The following DNAJC13 variants were observed in gnomAD, a reference collection of about 807,000 sequenced individuals.
The protein encoded by DNAJC13 is DnaJ heat shock protein family (Hsp40) member C13, also known as dnaJ homolog subfamily C member 13.
A neutral mutation model predicts 290.5 loss-of-function variants in DNAJC13; 75 were observed. That is an observed-to-expected ratio of 0.26 (90% CI 0.21 to 0.31). The LOEUF (loss-of-function observed/expected upper bound fraction) is 0.31. DNAJC13 is among the 10% of genes least tolerant of loss of function. The pLI is 1.00. For missense variants in DNAJC13, 2,260 were observed against 2,674.5 expected, an observed-to-expected ratio of 0.85 and a Z score of 3.42; for synonymous variants, 862 against 892.0, an observed-to-expected ratio of 0.97 and a Z score of 0.60.
In DNAJC13 at chr3:132,492,584, T is replaced by G; in HGVS notation, c.3794T>G (p.Leu1265Arg). The change falls in exon 33 of 56, where the codon CTC (leucine) becomes CGC (arginine). Residue 1265 changes from leucine (L) to arginine (R), a missense_variant. Coordinates refer to ENST00000260818, the MANE Select transcript of DNAJC13 (RefSeq NM_015268.4). ...TACCTCAAACAACTGTGTGATACAC[T>G]CCGGTTTCCAGATTGGCCAATTAAA... ...IYYLKQLCDT[L>R]RFPDWPIKDP... 2 of 1,613,666 alleles carry G rather than the reference T, an allele frequency of 1.2e-6. No individual in the cohort carries two copies. The highest frequency in any genetic ancestry group is 1.1e-5 in the South Asian group (1 of 91,056).
At chr3:132,450,414 C>G (rs1933384094) in intron 5 of DNAJC13, among the ~76,000 whole-genome samples, 1 of 151,748 alleles carries the variant, frequency 6.6e-6, no homozygotes, top group Non-Finnish European at 1.5e-5. Context: ...ATATTGTAAC[C>G]CAAACCCTTT....
intron 4 of DNAJC13, 101 bp from the exon 5 acceptor site, chr3:132,447,797 G>T: frequency 3.3e-6 from 3 of 911,110 alleles, no homozygotes; most frequent in Non-Finnish European, 5.2e-6. Flanking sequence ...TAGTGTCCAG[G>T]TTACCAAGTC....
intron 50 of DNAJC13, among the ~76,000 whole-genome samples, 160 bp from the exon 51 acceptor site, chr3:132,523,380 C>G (rs546557793): frequency 4.6e-5 from 7 of 152,252 alleles, no homozygotes; most frequent in African/African-American, 1.7e-4. Flanking sequence ...AGTAAGGGCA[C>G]CCTTTCTGAA....
intron 15 of DNAJC13, among the ~76,000 whole-genome samples, chr3:132,461,453 T>A (rs1933792574): frequency 6.6e-6 from 1 of 152,192 alleles, no homozygotes; most frequent in Non-Finnish European, 1.5e-5. Context: ...AGATTTGTGT[T>A]GGGCTACACT....
chr3:132,488,294 T>C lies in DNAJC13; in HGVS notation c.3268-4T>C. On this transcript the variant is annotated splice_polypyrimidine_tract_variant and splice_region_variant and intron_variant, in intron 29 of 55. Coordinates refer to ENST00000260818, the MANE Select transcript of DNAJC13 (RefSeq NM_015268.4). ...CCAATAAAAACATTTTAATTTTTTT[T>C]CAGCTACTGCTGACCTTTGACCCTA... is the stretch of plus-strand genomic sequence containing the variant. 1 of 1,577,362 alleles carries C rather than the reference T, an allele frequency of 6.3e-7. No individual in the cohort carries two copies. The highest frequency in any genetic ancestry group is 8.6e-7 in the Non-Finnish European group (1 of 1,166,700).
intron 54 of DNAJC13, among the ~76,000 whole-genome samples, chr3:132,530,756 C>A (rs2107754015): frequency 6.6e-6 from 1 of 152,290 alleles, no homozygotes; most frequent in Non-Finnish European, 1.5e-5. Context: ...ATTGTAGGTT[C>A]AAATAATAGA....
intron 43 of DNAJC13, among the ~76,000 whole-genome samples, chr3:132,510,224 C>T (rs74441770): frequency 0.011 from 1,650 of 152,236 alleles, 21 homozygotes; most frequent in Middle Eastern, 0.044. Context: ...AAGGCTTCCT[C>T]TGGCCAATAT....
chr3:132,472,282 G>A (rs1369548052), intron 20 of DNAJC13, among the ~76,000 whole-genome samples: 1 of 152,206 alleles, frequency 6.6e-6, no homozygotes, highest in African/African-American at 2.4e-5. Context: ...TCTGGTCCAT[G>A]TACAGACTTT....
In DNAJC13 at chr3:132,453,511, C is replaced by A. The variant is rs1225804009; in HGVS notation, c.744+7C>A. 6.2e-7 allele frequency: 1 copy of A among 1,611,502 alleles called. No individual in the cohort carries two copies. The highest frequency in any genetic ancestry group is 2.2e-5 in the East Asian group (1 of 44,780). On this transcript the variant is annotated splice_region_variant and intron_variant, in intron 7 of 55. Coordinates refer to ENST00000260818, the MANE Select transcript of DNAJC13 (RefSeq NM_015268.4). Reference sequence around the variant, plus strand: ...AATATCACCTAGACATTCGGTAAGACCCATATGTTAAAAATGAAAATTTGT... The same window carrying A: ...AATATCACCTAGACATTCGGTAAGAACCATATGTTAAAAATGAAAATTTGT...
At chr3:132,430,965 G>A (rs1939224966) in intron 1 of DNAJC13, among the ~76,000 whole-genome samples, 1 of 152,150 alleles carries the variant, frequency 6.6e-6, no homozygotes, top group South Asian at 2.1e-4. Flanking sequence ...TTAGTTGACT[G>A]TAAGAAATTT....
chr3:132,492,715 T>G (rs1935101970), intron 33 of DNAJC13, 100 bp downstream of exon 33: 1 of 983,010 alleles, frequency 1.0e-6, no homozygotes, highest in Non-Finnish European at 1.5e-6. Flanking sequence ...TTAATAGCTT[T>G]CTTAAGTATT....
At chr3:132,453,996 C>A in intron 8 of DNAJC13, 70 bp from the exon 9 acceptor site, 1 of 1,116,610 alleles carries the variant, frequency 9.0e-7, no homozygotes, top group African/African-American at 1.6e-5. Context: ...CTAAGTGATG[C>A]ATTTTATAAT....
At chr3:132,466,123 C>T (rs1933971475) in intron 18 of DNAJC13, 53 bp downstream of exon 18, 1 of 1,491,546 alleles carries the variant, frequency 6.7e-7, no homozygotes, top group African/African-American at 1.4e-5. Context: ...TTTAATTGAA[C>T]AAGTTATCTG....
At chr3:132,482,416 T>C (rs1490780460) in intron 27 of DNAJC13, 86 bp downstream of exon 27, 7 of 1,021,852 alleles carry the variant, frequency 6.9e-6, no homozygotes, top group Non-Finnish European at 1.0e-5. Context: ...TGGAATGTTT[T>C]AAAGCTGTCA....
intron 5 of DNAJC13, among the ~76,000 whole-genome samples, chr3:132,448,472 C>A (rs1310946854): frequency 3.3e-5 from 5 of 152,052 alleles, no homozygotes; most frequent in Non-Finnish European, 5.9e-5. Context: ...CAGGCCTTTT[C>A]CAGTAATGTA....
chr3:132,440,583 C>T (rs142752644), intron 2 of DNAJC13, among the ~76,000 whole-genome samples: 18 of 152,310 alleles, frequency 1.2e-4, no homozygotes, highest in Non-Finnish European at 2.1e-4. Context: ...CAGCTGCTTA[C>T]AGTATTAGGT....
chr3:132,489,043 A>C, intron 31 of DNAJC13, 22 bp downstream of exon 31: 1 of 1,602,458 alleles, frequency 6.2e-7, no homozygotes, highest in South Asian at 1.1e-5. Context: ...TAATCCTCTG[A>C]ATACTTAACC....
intron 40 of DNAJC13, 46 bp downstream of exon 40, chr3:132,502,514 G>C (rs1305788310): frequency 1.3e-6 from 2 of 1,521,502 alleles, no homozygotes; most frequent in African/African-American, 2.8e-5. Flanking sequence ...CCAAACCTTA[G>C]GTTGGTGTTA....
At chr3:132,471,869 C>T (rs1163010587) in intron 20 of DNAJC13, among the ~76,000 whole-genome samples, 2 of 146,730 alleles carry the variant, frequency 1.4e-5, no homozygotes, top group African/African-American at 2.5e-5. Flanking sequence ...GCTGCAATCT[C>T]GGCACTTTGG....
Sources: gnomAD v4.1 joint callset for allele counts (sites outside exome capture counted in the v4.1 genomes callset) on GRCh38, gnomAD v4.1.1 for gene constraint, MANE v1.5 for transcripts, NCBI Gene and HGNC (gene_info 2026-07-23, HGNC 2026-07-21) for gene names.